The following NFRKB variants were observed in gnomAD, a reference collection of about 807,000 sequenced individuals.
The protein encoded by NFRKB is nuclear factor related to kappa-B-binding protein.
A neutral mutation model predicts 135.7 loss-of-function variants in NFRKB; 62 were observed. The ratio of observed to expected loss-of-function variants is 0.46; its 90% CI spans 0.37 to 0.56. NFRKB has a LOEUF of 0.56. NFRKB is among the 20% of genes least tolerant of loss of function. The probability of loss-of-function intolerance (pLI) is 0.00; values close to 1 mark genes in which losing one functional copy is unlikely to be tolerated. For synonymous variants in NFRKB, 678 were observed against 635.6 expected (o/e 1.07, Z -1.00); for missense variants, 1,545 against 1,662.0 (o/e 0.93, Z 1.22).
At chr11:129,866,008 T>C in intron 24 of NFRKB, 25 bp from the exon 25 acceptor site, 1 of 1,570,460 alleles carries the variant, frequency 6.4e-7, no homozygotes, top group Non-Finnish European at 8.6e-7. Flanking sequence ...CAGTCAGGTT[T>C]TGTAAGACAG....
chr11:129,892,954 C>A, intron 2 of NFRKB, 84 bp from the exon 3 acceptor site: 1 of 1,597,194 alleles, frequency 6.3e-7, no homozygotes, highest in South Asian at 1.1e-5. Context: ...GGAAAACATT[C>A]AACCTCCAGC....
At position 129,870,019 on chromosome 11, in the gene NFRKB, T is replaced by C. The variant is rs561095014; in HGVS notation, c.3006A>G (p.Thr1002=). Residue 1002 remains threonine (T), a synonymous_variant, in exon 24 of 27, where the codon ACA becomes ACG. Coordinates refer to ENST00000682444, the MANE Select transcript of NFRKB (RefSeq NM_001143835.2). ...QDLFGTGGNT[T]GKGISATLHV... is the part of the protein sequence containing the mutation. Reference sequence around the variant, plus strand: ...GTAAGGTGGCAGAGATGCCTTTGCCTGTAGTGTTGCCTCCTGTCCCGAAGA... The same window carrying C: ...GTAAGGTGGCAGAGATGCCTTTGCCCGTAGTGTTGCCTCCTGTCCCGAAGA... 5 of 1,614,248 alleles carry C rather than the reference T, an allele frequency of 3.1e-6. No individual in the cohort carries two copies. Among genetic ancestry groups the C allele is most frequent in the Middle Eastern group, 3.3e-4 (2 of 6,062 alleles).
chr11:129,889,525 T>C (rs1446926669), intron 3 of NFRKB, among the ~76,000 whole-genome samples: 3 of 151,634 alleles, frequency 2.0e-5, no homozygotes, highest in African/African-American at 7.3e-5. Flanking sequence ...AGAAACAGGA[T>C]GGGGTTCATT....
At position 129,884,119 on chromosome 11, in the gene NFRKB, T is replaced by A; in HGVS notation, c.767A>T (p.Asp256Val). Reference sequence around the variant, plus strand: ...GTGCTTCTTTAACATTATCTTCAGGTCACTGTCCCCCAGTTCTACTTTATC... The same window carrying A: ...GTGCTTCTTTAACATTATCTTCAGGACACTGTCCCCCAGTTCTACTTTATC... ...TADKVELGDSDLKIMLKKHHE... is the reference protein window; with the variant it reads ...TADKVELGDSVLKIMLKKHHE... Residue 256 changes from aspartate to valine, a missense_variant, in exon 8 of 27, where the codon GAC (aspartate) becomes GTC (valine). Transcript: ENST00000682444. 6.2e-7 allele frequency: 1 copy of A among 1,614,230 alleles called. No homozygotes were observed. The highest frequency in any genetic ancestry group is 8.5e-7 in the Non-Finnish European group (1 of 1,180,042).
intron 3 of NFRKB, among the ~76,000 whole-genome samples, chr11:129,890,343 T>G (rs1389671532): frequency 6.6e-6 from 1 of 152,154 alleles, no homozygotes; most frequent in Non-Finnish European, 1.5e-5. Flanking sequence ...GTGTCTGGCA[T>G]AGAGGCGCCT....
Position 129,885,604 on chromosome 11 carries a change from C to T in NFRKB, c.471G>A (p.Leu157=). Residue 157 remains leucine (L), a synonymous_variant, in exon 6 of 27, where the codon CTG becomes CTA. Transcript: ENST00000682444. ...LKQILASRSD[L]LEMARRSGPA... ...GGCCACTCCGCCGGGCCATCTCCAG[C>T]AGATCCTAGGTAGAGATCAGGTGGG... 6.2e-7 allele frequency: 1 copy of T among 1,608,462 alleles called. No individual in the cohort carries two copies. Among genetic ancestry groups the T allele is most frequent in the Non-Finnish European group, 8.5e-7 (1 of 1,176,026 alleles).
intron 4 of NFRKB, 126 bp from the exon 5 acceptor site, chr11:129,886,570 A>G: frequency 3.5e-6 from 3 of 858,522 alleles, no homozygotes; most frequent in Non-Finnish European, 5.3e-6. Flanking sequence ...AAAAGTGAAC[A>G]TTTAAGAGAA....
chr11:129,892,974 C>A (rs1175160680), intron 2 of NFRKB, 104 bp from the exon 3 acceptor site: 2 of 1,574,200 alleles, frequency 1.3e-6, no homozygotes, highest in East Asian at 4.5e-5. Flanking sequence ...CCAGTTCTTA[C>A]ACCTTATCCT....
intron 23 of NFRKB, among the ~76,000 whole-genome samples, chr11:129,871,676 G>A (rs1332422763): frequency 1.8e-4 from 27 of 152,074 alleles, no homozygotes; most frequent in Admixed American, 1.8e-3. Flanking sequence ...CTGATGAACG[G>A]TCACTCCCAT....
Position 129,873,879 on chromosome 11 carries a change from G to C in NFRKB, c.2416C>G (p.Arg806Gly). The change falls in exon 22 of 27, where the codon CGA becomes GGA. Residue 806 changes from arginine (R) to glycine (G), a missense_variant. By Grantham distance (125) the Arg-to-Gly change is moderately radical. Transcript: ENST00000682444. ...HSGSAGLSQV[R>G]VVAQPSLPAV... ...GGAAGGCTAGGCTGGGCCACCACTCGCACCTGAGACAGTCCAGCAGAGCCA... is the reference window on the plus strand; with the variant it reads ...GGAAGGCTAGGCTGGGCCACCACTCCCACCTGAGACAGTCCAGCAGAGCCA... 1 of 1,614,030 alleles carries C rather than the reference G, an allele frequency of 6.2e-7. No homozygotes were observed. The highest frequency in any genetic ancestry group is 1.3e-5 in the African/African-American group (1 of 75,062).
chr11:129,883,344 A>C (rs1949120317), intron 8 of NFRKB, 138 bp from the exon 9 acceptor site: 3 of 649,742 alleles, frequency 4.6e-6, no homozygotes. Context: ...AGAGAGATAA[A>C]ACTATTCATT....
At chr11:129,866,168 T>C (rs541808556) in intron 24 of NFRKB, among the ~76,000 whole-genome samples, 185 bp from the exon 25 acceptor site, 3 of 152,246 alleles carry the variant, frequency 2.0e-5, no homozygotes, top group South Asian at 2.1e-4. Flanking sequence ...TTATATACCA[T>C]AGTCAGGTGA....
rs776869977 is a variant in NFRKB, at chr11:129,864,998, G to A, written c.3742C>T (p.Gln1248Ter). ...PVSFLTAQQL[Q>*]QLQQQGQATQ... ...GCCTGACCTTGCTGCTGAAGCTGCT[G>A]CAACTGCTGAGCAGTGAGGAAACTA... Residue 1248 changes from glutamine to a stop codon, truncating the protein, a stop_gained, in exon 26 of 27, where the codon CAG (glutamine) becomes TAG (stop). Coordinates refer to ENST00000682444, the MANE Select transcript of NFRKB (RefSeq NM_001143835.2). LOFTEE classifies it high-confidence loss of function. 6.2e-7 allele frequency: 1 copy of A among 1,613,288 alleles called. No individual in the cohort carries two copies. The highest frequency in any genetic ancestry group is 8.5e-7 in the Non-Finnish European group (1 of 1,179,878).
chr11:129,873,617 T>C (rs1221075417), intron 22 of NFRKB, 128 bp downstream of exon 22: 7 of 1,300,344 alleles, frequency 5.4e-6, no homozygotes, highest in African/African-American at 3.0e-5. Flanking sequence ...CTTATTCCGA[T>C]GAATGTCATC....
At position 129,882,131 on chromosome 11, in the gene NFRKB, AAG is replaced by A; in HGVS notation, c.1144_1145del (p.Leu382SerfsTer12). ...INEISSSFFS[L>X]LLEILLLESQ... ...TCTCCAGCAGCAAGATCTCTAATAG[AAG>A]AGAGAAGAAGCTGGAAGATATTTCA... On this transcript the variant is annotated frameshift_variant, in exon 11 of 27. Coordinates refer to ENST00000682444, the MANE Select transcript of NFRKB (RefSeq NM_001143835.2). LOFTEE classifies it high-confidence loss of function. 2 of 1,613,662 alleles carry A rather than the reference AAG, an allele frequency of 1.2e-6. No homozygotes were observed. The highest frequency in any genetic ancestry group is 1.7e-6 in the Non-Finnish European group (2 of 1,179,872).
At chr11:129,890,025 TTTTG>T (rs1451594528) in intron 3 of NFRKB, among the ~76,000 whole-genome samples, 3 of 103,588 alleles carry the variant, frequency 2.9e-5, no homozygotes, top group South Asian at 2.8e-4. Flanking sequence ...TTTTGGGTTT[TTTTG>T]TTTTTTTTTT....
chr11:129,875,352 C>T lies in NFRKB; in HGVS notation c.1854+5G>A, dbSNP rs1948711595. The T allele has an allele frequency of 6.2e-7, 1 of 1,605,396 alleles. No individual in the cohort carries two copies. The highest frequency in any genetic ancestry group is 8.5e-7 in the Non-Finnish European group (1 of 1,174,062). ...AAAGCAAAAGTAATCTCTTCTCCGT[C>T]CTACCTGAGTGCTGGTGACATCTGG... On this transcript the variant is annotated splice_donor_5th_base_variant and intron_variant, in intron 18 of 26. Coordinates refer to ENST00000682444, the MANE Select transcript of NFRKB (RefSeq NM_001143835.2).
At position 129,874,404 on chromosome 11, in the gene NFRKB, G is replaced by T; in HGVS notation, c.2059-71C>A. 6.5e-7 allele frequency: 1 copy of T among 1,535,330 alleles called. No homozygotes were observed. ...CCCTAAAGGAAGGGACACCCCTACAGCTCCTGATGCCCCACACCAAGTGAA... is the reference window on the plus strand; with the variant it reads ...CCCTAAAGGAAGGGACACCCCTACATCTCCTGATGCCCCACACCAAGTGAA... On this transcript the variant is annotated intron_variant, in intron 20 of 26. Transcript: ENST00000682444. The surrounding 1 kb of genome is among the most constrained non-coding windows in gnomAD (Gnocchi z 4.5).
chr11:129,886,321 C>T lies in NFRKB; in HGVS notation c.461G>A (p.Arg154Gln), dbSNP rs202178372. Residue 154 changes from arginine to glutamine, a missense_variant, in exon 5 of 27, where the codon CGG (arginine) becomes CAG (glutamine). Physicochemically the swap from Arg to Gln is conservative, Grantham distance 43. Coordinates refer to ENST00000682444, the MANE Select transcript of NFRKB (RefSeq NM_001143835.2). Reference protein sequence around the residue: ...HRLLKQILASRSDLLEMARRS... With the variant: ...HRLLKQILASQSDLLEMARRS... ...CCAGTTCCCAGCACTACTTACACTC[C>T]GGGAAGCAAGAATTTGCTTCAGCAG... 3.9e-5 allele frequency: 63 copies of T among 1,613,952 alleles called. No individual in the cohort carries two copies. In the Middle Eastern group the frequency reaches 1.5e-3, roughly 38 times the overall value.
Sources: allele counts gnomAD v4.1 joint callset (sites outside exome capture counted in the v4.1 genomes callset), GRCh38; gene constraint gnomAD v4.1.1; non-coding constraint Gnocchi (gnomAD v3.1); transcripts MANE v1.5; gene names NCBI Gene and HGNC (gene_info 2026-07-23, HGNC 2026-07-21).